CACNA2D3: variants seen among roughly 807,000 people sequenced by gnomAD.
CACNA2D3 encodes voltage-dependent calcium channel subunit alpha-2/delta-3.
A neutral mutation model predicts 160.6 loss-of-function variants in CACNA2D3; 60 were observed. The ratio of observed to expected loss-of-function variants is 0.37; its 90% CI spans 0.30 to 0.46. The LOEUF (loss-of-function observed/expected upper bound fraction) is 0.46, where lower values mean the gene tolerates loss of function less well. Among genes scored for constraint, CACNA2D3 ranks in the 20% least tolerant of loss-of-function variants. The pLI is 1.00. For missense variants in CACNA2D3, 1,205 were observed against 1,365.0 expected (o/e 0.88, Z 1.85); for synonymous variants, 558 against 492.9 (o/e 1.13, Z -1.75).
At chr3:54,239,214 A>C (rs1407220434) in intron 2 of CACNA2D3, among the ~76,000 whole-genome samples, 2 of 152,220 alleles carry the variant, frequency 1.3e-5, no homozygotes, top group Non-Finnish European at 2.9e-5. Context: ...AAGGCTCTTG[A>C]AGAACAGGAA....
At chr3:54,338,467 C>CTGTGTGTGTGTGTG (rs71074965) in intron 3 of CACNA2D3, among the ~76,000 whole-genome samples, 1,524 of 136,498 alleles carry the variant, frequency 0.011, 16 homozygotes, top group Non-Finnish European at 0.015. Context: ...TCTCCCCTCC[C>CTGTGTGTGTGTGTG]TGTGTGTGTG....
chr3:55,064,941 G>C (rs1008623492), intron 35 of CACNA2D3, among the ~76,000 whole-genome samples: 1 of 152,152 alleles, frequency 6.6e-6, no homozygotes, highest in Non-Finnish European at 1.5e-5. Context: ...CACTTCCTTC[G>C]TTCCAACAGA....
chr3:54,684,443 AC>A (rs1293856881), intron 11 of CACNA2D3, among the ~76,000 whole-genome samples: 1 of 152,128 alleles, frequency 6.6e-6, no homozygotes, highest in South Asian at 2.1e-4. Context: ...AGCAAACACC[AC>A]CTTTATTTTA....
At chr3:54,280,382 G>A (rs1445501693) in intron 2 of CACNA2D3, among the ~76,000 whole-genome samples, 2 of 152,088 alleles carry the variant, frequency 1.3e-5, no homozygotes, top group Non-Finnish European at 2.9e-5. Context: ...CGCCTGGCCT[G>A]TTCGTTCATT....
At chr3:54,907,534 T>C (rs1339459592) in intron 27 of CACNA2D3, among the ~76,000 whole-genome samples, 5 of 152,218 alleles carry the variant, frequency 3.3e-5, no homozygotes, top group Non-Finnish European at 7.3e-5. Context: ...CATTAGCTGC[T>C]AAATTATTAT....
At chr3:54,911,926 T>A (rs1340354773) in intron 27 of CACNA2D3, among the ~76,000 whole-genome samples, 1 of 152,220 alleles carries the variant, frequency 6.6e-6, no homozygotes. Context: ...TTTACTATTG[T>A]ACAGTACCTG....
In CACNA2D3 at chr3:54,378,927, G is replaced by A. The variant is rs1056370163; in HGVS notation, c.322-7788G>A. On this transcript the variant is annotated intron_variant, in intron 3 of 37. Transcript: ENST00000474759. ...CAAATTGGCCATTCACACTGATAAC[G>A]GGTATTAATTTAATCAGCCTCAAAT... Among the ~76,000 whole-genome samples the A allele has an allele frequency of 3.9e-5, 6 of 152,256 alleles. No homozygotes were observed. The South Asian group carries it at 1.0e-3, about 26-fold the overall frequency.
chr3:54,677,125 G>A (rs767740212), intron 11 of CACNA2D3, among the ~76,000 whole-genome samples: 3 of 152,166 alleles, frequency 2.0e-5, no homozygotes, highest in Non-Finnish European at 4.4e-5. Context: ...ACATGATTAA[G>A]TTTACAAGCT....
chr3:54,412,682 T>A (rs1013322347), intron 4 of CACNA2D3, among the ~76,000 whole-genome samples: 1 of 151,262 alleles, frequency 6.6e-6, no homozygotes, highest in African/African-American at 2.4e-5. Flanking sequence ...ATGTAATTAT[T>A]CATATAATTG....
chr3:54,923,445 G>A lies in CACNA2D3; in HGVS notation c.2449+23577G>A, dbSNP rs111871450. Among the ~76,000 whole-genome samples, 518 of 152,162 alleles carry A rather than the reference G, an allele frequency of 3.4e-3. 1 individual carries two copies. Among genetic ancestry groups the A allele is most frequent in the African/African-American group, 0.012 (501 of 41,498 alleles). On this transcript the variant is annotated intron_variant, in intron 27 of 37. Transcript: ENST00000474759. The stretch of plus-strand genomic sequence containing the variant: ...TGCTCAGCCATGTCACCTCCTTGGA[G>A]ACATCTTCCCATCCATCCTATCAAA...
chr3:54,736,972 C>T (rs1484647867), intron 11 of CACNA2D3, among the ~76,000 whole-genome samples: 1 of 152,124 alleles, frequency 6.6e-6, no homozygotes, highest in African/African-American at 2.4e-5. Flanking sequence ...GTTCAACATG[C>T]TAGGTTTTAG....
At chr3:55,053,985 G>T in intron 35 of CACNA2D3, among the ~76,000 whole-genome samples, 1 of 150,772 alleles carries the variant, frequency 6.6e-6, no homozygotes, top group Admixed American at 6.6e-5. Flanking sequence ...TTTTTTTTCT[G>T]TCTTTTATAT....
chr3:54,487,451 G>A (rs935918268), intron 4 of CACNA2D3, among the ~76,000 whole-genome samples: 3 of 152,158 alleles, frequency 2.0e-5, no homozygotes, highest in Admixed American at 6.5e-5. Context: ...TCTTACTGTC[G>A]CTTGGGGACA....
intron 3 of CACNA2D3, among the ~76,000 whole-genome samples, chr3:54,354,369 C>A (rs1698613712): frequency 6.6e-6 from 1 of 152,028 alleles, no homozygotes; most frequent in South Asian, 2.1e-4. Flanking sequence ...CAAAAGTCAA[C>A]AAGGACTAGT....
chr3:54,891,790 T>C (rs1259003359), intron 25 of CACNA2D3, among the ~76,000 whole-genome samples: 1 of 152,212 alleles, frequency 6.6e-6, no homozygotes, highest in Non-Finnish European at 1.5e-5. Flanking sequence ...TCGTAACAAA[T>C]GGCTTCAGGG....
At chr3:54,907,849 C>G (rs1301055241) in intron 27 of CACNA2D3, among the ~76,000 whole-genome samples, 1 of 152,078 alleles carries the variant, frequency 6.6e-6, no homozygotes, top group African/African-American at 2.4e-5. Flanking sequence ...TGACAAGCTT[C>G]CTTCATTTAA....
At chr3:54,880,416 A>G (rs1163915093) in intron 20 of CACNA2D3, among the ~76,000 whole-genome samples, 1 of 152,168 alleles carries the variant, frequency 6.6e-6, no homozygotes. Flanking sequence ...CCGAGTCCCA[A>G]AGTCTAGGGG....
At position 54,129,784 on chromosome 3, in the gene CACNA2D3, T is replaced by A. The variant is rs573451583; in HGVS notation, c.204+6190T>A. Among the ~76,000 whole-genome samples, 9 of 152,338 alleles carry A rather than the reference T, an allele frequency of 5.9e-5. No individual in the cohort carries two copies. The South Asian group carries it at 1.9e-3, about 32-fold the overall frequency. ...AGGTGAAACAACTGCCAGTTGATAT[T>A]TGGGGCCTGCACATGCCATTACCGT... On this transcript the variant is annotated intron_variant, in intron 2 of 37. Transcript: ENST00000474759.
intron 3 of CACNA2D3, among the ~76,000 whole-genome samples, chr3:54,349,934 A>G (rs556015723): frequency 1.3e-5 from 2 of 152,272 alleles, no homozygotes; most frequent in African/African-American, 4.8e-5. Flanking sequence ...TCTTTAACAC[A>G]TTCCTTGGAC....
Sources: gnomAD v4.1 joint callset for allele counts (sites outside exome capture counted in the v4.1 genomes callset) on GRCh38, gnomAD v4.1.1 for gene constraint, MANE v1.5 for transcripts, NCBI Gene and HGNC (gene_info 2026-07-23, HGNC 2026-07-21) for gene names.